Variants in CHN2 observed in about 807,000 individuals in gnomAD.
CHN2 encodes beta-chimaerin.
In CHN2, 35 loss-of-function variants were observed where a neutral mutation model predicts 56.3. That is an observed-to-expected ratio of 0.62 (90% CI 0.47 to 0.82). CHN2 has a LOEUF of 0.82. Among genes scored for constraint, CHN2 ranks in the 40% least tolerant of loss-of-function variants. The pLI, the probability that CHN2 is intolerant of heterozygous loss-of-function variation, is 0.00. For synonymous variants in CHN2, 210 were observed against 212.8 expected (o/e 0.99, Z 0.12); for missense variants, 491 against 580.5 (o/e 0.85, Z 1.58).
chr7:29,496,080 C>A, intron 8 of CHN2, 44 bp downstream of exon 8: 2 of 1,476,702 alleles, frequency 1.4e-6, no homozygotes, highest in Non-Finnish European at 1.9e-6. Flanking sequence ...TGAAATGCCA[C>A]TGTGCTGAGC....
At chr7:29,389,879 C>T (rs1349712153) in intron 3 of CHN2, among the ~76,000 whole-genome samples, 2 of 151,220 alleles carry the variant, frequency 1.3e-5, no homozygotes, top group Non-Finnish European at 3.0e-5. Flanking sequence ...CATGGTGAAA[C>T]CCCCGTCTCT....
In CHN2 at chr7:29,299,912, G is replaced by T. The variant is rs575452370; in HGVS notation, c.50-54713G>T. ...GACCTGGAGGATGAAGCAACTTGGGGATGGGCCATGGGCATGGGGAAATGG... is the reference window on the plus strand; with the variant it reads ...GACCTGGAGGATGAAGCAACTTGGGTATGGGCCATGGGCATGGGGAAATGG... On this transcript the variant is annotated intron_variant, in intron 1 of 12. Coordinates refer to ENST00000222792, the MANE Select transcript of CHN2 (RefSeq NM_004067.4). 7.2e-5 allele frequency among the ~76,000 whole-genome samples: 11 copies of T among 152,300 alleles called. No homozygotes were observed. The South Asian group carries it at 2.3e-3, about 32-fold the overall frequency.
intron 1 of CHN2, among the ~76,000 whole-genome samples, chr7:29,343,105 A>G (rs1258212876): frequency 6.6e-6 from 1 of 152,244 alleles, no homozygotes; most frequent in Non-Finnish European, 1.5e-5. Flanking sequence ...GCAGGGAGCT[A>G]CTGGAAGGCA....
intron 3 of CHN2, among the ~76,000 whole-genome samples, chr7:29,385,002 T>A (rs115522571): frequency 2.0e-4 from 31 of 152,332 alleles, no homozygotes; most frequent in African/African-American, 7.5e-4. Context: ...AAATTTCTTC[T>A]TTAGTGTTTT....
intron 1 of CHN2, among the ~76,000 whole-genome samples, chr7:29,200,413 TTTCC>T (rs1394750801): frequency 3.7e-5 from 5 of 136,060 alleles, no homozygotes; most frequent in African/African-American, 8.4e-5. Flanking sequence ...TCCTTCCTTC[TTTCC>T]TTCCTTCCTT....
Position 29,162,927 on chromosome 7 carries a change from G to T in CHN2, c.274+15967G>T, listed in dbSNP as rs1352135031. 1.1e-4 allele frequency among the ~76,000 whole-genome samples: 17 copies of T among 152,114 alleles called. 1 individual carries two copies. The highest frequency in any genetic ancestry group is 1.1e-3 in the Admixed American group (17 of 15,274). Reference sequence around the variant, plus strand: ...AACAATTCTGTACATGTGATAAAACGTTATAGAAATATACACAGAGACAGA... The same window carrying T: ...AACAATTCTGTACATGTGATAAAACTTTATAGAAATATACACAGAGACAGA... On this transcript the variant is annotated intron_variant, in intron 2 of 6. Transcript: ENST00000439384.
At position 29,415,436 on chromosome 7, in the gene CHN2, C is replaced by G. The variant is rs1803635476; in HGVS notation, c.576+14608C>G. ...TGGTACATTTCTCTTTCTTTTTGTT[C>G]TATGCTATTTTGGGTGGAGTTTCTG... is the stretch of plus-strand genomic sequence containing the variant. On this transcript the variant is annotated intron_variant, in intron 6 of 12. Coordinates refer to ENST00000222792, the MANE Select transcript of CHN2 (RefSeq NM_004067.4). Among the ~76,000 whole-genome samples, 5 of 152,284 alleles carry G rather than the reference C, an allele frequency of 3.3e-5. No homozygotes were observed. In the South Asian group the frequency reaches 1.0e-3, roughly 32 times the overall value.
chr7:29,213,094 G>A (rs1785078976), intron 1 of CHN2: 16 of 1,602,812 alleles, frequency 1.0e-5, no homozygotes, highest in Non-Finnish European at 1.3e-5. Flanking sequence ...CTTGGAGGCT[G>A]CCTTGGAAGC....
intron 1 of CHN2, among the ~76,000 whole-genome samples, chr7:29,250,421 T>C (rs1181580173): frequency 2.0e-5 from 3 of 152,212 alleles, no homozygotes; most frequent in Non-Finnish European, 4.4e-5. Flanking sequence ...AGATAGGAGA[T>C]TAACCTAGTT....
chr7:29,183,876 C>A (rs1798374738), intron 2 of CHN2, among the ~76,000 whole-genome samples: 1 of 151,914 alleles, frequency 6.6e-6, no homozygotes, highest in African/African-American at 2.4e-5. Flanking sequence ...TTAGAAAAAA[C>A]AATAAAAATT....
rs754519218 is a variant in CHN2 at position 29,398,360 on chromosome 7, C to T, written c.177-13C>T. On this transcript the variant is annotated splice_polypyrimidine_tract_variant and intron_variant, in intron 4 of 12. Transcript: ENST00000222792. Reference sequence around the variant, plus strand: ...GTGGTCTGTTCAGAGCATTGATGGTCTTGTACCTTCAGGTTTCATGGGATC... The same window carrying T: ...GTGGTCTGTTCAGAGCATTGATGGTTTTGTACCTTCAGGTTTCATGGGATC... 2 of 1,587,844 alleles carry T rather than the reference C, an allele frequency of 1.3e-6. No individual in the cohort carries two copies. Among genetic ancestry groups the T allele is most frequent in the African/African-American group, 1.3e-5 (1 of 74,516 alleles).
intron 1 of CHN2, among the ~76,000 whole-genome samples, chr7:29,332,115 C>T (rs39130): frequency 0.2 from 30,594 of 151,998 alleles, 3,225 homozygotes; most frequent in South Asian, 0.31. Context: ...TATATCCATC[C>T]AAAGGAGAAA....
chr7:29,337,463 C>G (rs1217982834), intron 1 of CHN2, among the ~76,000 whole-genome samples: 2 of 152,180 alleles, frequency 1.3e-5, no homozygotes, highest in East Asian at 3.9e-4. Context: ...ACATGCAACA[C>G]TCATAACAGC....
intron 1 of CHN2, among the ~76,000 whole-genome samples, chr7:29,330,643 T>G (rs1410745891): frequency 1.3e-5 from 2 of 152,184 alleles, no homozygotes; most frequent in African/African-American, 2.4e-5. Context: ...ATCATTGAAA[T>G]TCTTAGAAAT....
chr7:29,359,961 T>C (rs1298713673), intron 2 of CHN2, among the ~76,000 whole-genome samples: 2 of 152,206 alleles, frequency 1.3e-5, no homozygotes, highest in African/African-American at 4.8e-5. Context: ...GTGCCTGTTT[T>C]ACAGATTTGA....
chr7:29,332,265 G>A (rs958741124), intron 1 of CHN2, among the ~76,000 whole-genome samples: 7 of 152,128 alleles, frequency 4.6e-5, no homozygotes, highest in Admixed American at 3.9e-4. Flanking sequence ...CTCTTTTAAA[G>A]TAGGGAAAAT....
At chr7:29,307,037 T>A (rs905292690) in intron 1 of CHN2, among the ~76,000 whole-genome samples, 2 of 152,246 alleles carry the variant, frequency 1.3e-5, no homozygotes, top group Non-Finnish European at 2.9e-5. Context: ...TCTCTCATTT[T>A]GGGGACAGCA....
At chr7:29,423,539 G>C (rs550967358) in intron 6 of CHN2, among the ~76,000 whole-genome samples, 2 of 152,296 alleles carry the variant, frequency 1.3e-5, no homozygotes, top group African/African-American at 2.4e-5. Flanking sequence ...GCATGCCACT[G>C]GCCTTGGAAT....
At chr7:29,407,710 T>C (rs1802783275) in intron 6 of CHN2, among the ~76,000 whole-genome samples, 1 of 152,214 alleles carries the variant, frequency 6.6e-6, no homozygotes, top group Admixed American at 6.5e-5. Context: ...TGGGATAGGA[T>C]GCAGTGAGAA....
Sources: gnomAD v4.1 joint callset for allele counts (sites outside exome capture counted in the v4.1 genomes callset) on GRCh38, gnomAD v4.1.1 for gene constraint, MANE v1.5 for transcripts, NCBI Gene and HGNC (gene_info 2026-07-23, HGNC 2026-07-21) for gene names.